The following SLC41A2 variants were observed in gnomAD, a reference collection of about 807,000 sequenced individuals.
SLC41A2 encodes the protein solute carrier family 41 member 2, also known as SLC41A1-like 1.
In SLC41A2, 32 loss-of-function variants were observed where a neutral mutation model predicts 58.3. That is an observed-to-expected ratio of 0.55 (90% CI 0.41 to 0.74). The LOEUF (loss-of-function observed/expected upper bound fraction) is 0.74. SLC41A2 is among the 30% of genes least tolerant of loss of function. The pLI is 0.00. For synonymous variants in SLC41A2, 190 were observed against 235.0 expected (o/e 0.81, Z 1.75); for missense variants, 514 against 680.6 (o/e 0.76, Z 2.72).
chr12:104,908,885 T>A (rs931673314), intron 3 of SLC41A2, among the ~76,000 whole-genome samples: 2 of 152,108 alleles, frequency 1.3e-5, no homozygotes, highest in African/African-American at 4.8e-5. Flanking sequence ...CCTAAAAAAA[T>A]AAGAATGGAA....
At position 104,863,837 on chromosome 12, in the gene SLC41A2, G is replaced by A. The variant is rs368670019; in HGVS notation, c.1176-2467C>T. On this transcript the variant is annotated intron_variant, in intron 7 of 10. Coordinates refer to ENST00000258538, the MANE Select transcript of SLC41A2 (RefSeq NM_001352171.3). ...TGTATTATTAGATATCCTCACGTAC[G>A]CTTTTTGCTTTGCCTCATATTTTTC... Among the ~76,000 whole-genome samples the A allele has an allele frequency of 2.6e-5, 4 of 152,110 alleles. No individual in the cohort carries two copies. In the South Asian group the frequency reaches 8.3e-4, roughly 32 times the overall value.
At chr12:104,852,965 G>C (rs1407715083) in intron 8 of SLC41A2, among the ~76,000 whole-genome samples, 2 of 151,980 alleles carry the variant, frequency 1.3e-5, no homozygotes, top group African/African-American at 4.8e-5. Flanking sequence ...AAAGCCAGTG[G>C]AGAGCATCTA....
At chr12:104,847,156 CATAA>C (rs1283740088) in intron 8 of SLC41A2, among the ~76,000 whole-genome samples, 3 of 150,196 alleles carry the variant, frequency 2.0e-5, no homozygotes, top group East Asian at 3.9e-4. Context: ...AAGACAGAGA[CATAA>C]ATTAAAAGTA....
chr12:104,938,253 A>G (rs373149224), intron 1 of SLC41A2, among the ~76,000 whole-genome samples: 30 of 152,316 alleles, frequency 2.0e-4, no homozygotes, highest in African/African-American at 6.3e-4. Flanking sequence ...GAGGTTCCAA[A>G]GGTATTGGTT....
chr12:104,938,353 T>C (rs2047364337), intron 1 of SLC41A2, among the ~76,000 whole-genome samples: 1 of 152,222 alleles, frequency 6.6e-6, no homozygotes. Context: ...TGATTAATAC[T>C]GTGATGGATG....
chr12:104,886,066 AT>A (rs1160227265), intron 6 of SLC41A2, among the ~76,000 whole-genome samples: 1 of 151,180 alleles, frequency 6.6e-6, no homozygotes. Flanking sequence ...CTCATCTAAA[AT>A]TAGAGATGAT....
At chr12:104,882,698 T>C (rs1195802409) in intron 6 of SLC41A2, among the ~76,000 whole-genome samples, 11 of 152,258 alleles carry the variant, frequency 7.2e-5, no homozygotes, top group African/African-American at 2.4e-4. Context: ...ACTGTTAGTC[T>C]GATGGGCTTC....
chr12:104,848,919 CACA>C (rs2042704080), intron 8 of SLC41A2, among the ~76,000 whole-genome samples: 1 of 151,974 alleles, frequency 6.6e-6, no homozygotes, highest in Non-Finnish European at 1.5e-5. Flanking sequence ...CACACACACA[CACA>C]CCAAATCTGA....
intron 4 of SLC41A2, among the ~76,000 whole-genome samples, chr12:104,894,147 A>G (rs2045162262): frequency 6.6e-6 from 1 of 152,082 alleles, no homozygotes; most frequent in South Asian, 2.1e-4. Flanking sequence ...TAAAAATTGA[A>G]AGAAAAGACC....
chr12:104,945,033 T>G (rs1304015231), intron 1 of SLC41A2, among the ~76,000 whole-genome samples: 1 of 151,484 alleles, frequency 6.6e-6, no homozygotes, highest in Non-Finnish European at 1.5e-5. Flanking sequence ...TAGGCAGGCG[T>G]GGTGGTGCAC....
intron 7 of SLC41A2, 47 bp from the exon 8 acceptor site, chr12:104,861,417 T>G: frequency 3.0e-6 from 4 of 1,341,586 alleles, no homozygotes; most frequent in Non-Finnish European, 4.2e-6. Context: ...GAAGAGAACA[T>G]ACTTGAAGTT....
chr12:104,939,018 A>G (rs2047395029), intron 1 of SLC41A2, among the ~76,000 whole-genome samples: 1 of 152,242 alleles, frequency 6.6e-6, no homozygotes, highest in African/African-American at 2.4e-5. Context: ...CCAAAAATGT[A>G]GAAAGGACAA....
chr12:104,876,504 C>T (rs2044051354), intron 6 of SLC41A2, among the ~76,000 whole-genome samples: 1 of 151,818 alleles, frequency 6.6e-6, no homozygotes, highest in African/African-American at 2.4e-5. Flanking sequence ...TTTTGGATTT[C>T]TTCTTTGACC....
At chr12:104,819,386 C>T (rs2453165) in intron 10 of SLC41A2, among the ~76,000 whole-genome samples, 148,562 of 152,332 alleles carry the variant, frequency 0.98, 72,461 homozygotes, top group East Asian at 1. Context: ...TAAATGGTTA[C>T]GTTAGAAAAG....
At chr12:104,882,553 T>G (rs1355619246) in intron 6 of SLC41A2, among the ~76,000 whole-genome samples, 17 of 152,014 alleles carry the variant, frequency 1.1e-4, no homozygotes, top group Admixed American at 4.6e-4. Context: ...GTCTGTAAAG[T>G]ATTTTATTTC....
chr12:104,919,690 T>G (rs2046501189), intron 2 of SLC41A2, among the ~76,000 whole-genome samples: 1 of 152,222 alleles, frequency 6.6e-6, no homozygotes, highest in Non-Finnish European at 1.5e-5. Flanking sequence ...CTAATTTTTT[T>G]TTAACTGTTG....
chr12:104,831,470 T>C (rs1317983225), intron 10 of SLC41A2, among the ~76,000 whole-genome samples: 1 of 152,186 alleles, frequency 6.6e-6, no homozygotes, highest in Non-Finnish European at 1.5e-5. Context: ...ATGGACCACA[T>C]AGATGATGGT....
chr12:104,934,135 T>A (rs2047173959), intron 1 of SLC41A2, among the ~76,000 whole-genome samples: 1 of 152,126 alleles, frequency 6.6e-6, no homozygotes, highest in Admixed American at 6.5e-5. Context: ...CCACAAAATT[T>A]AAATCATTTG....
At chr12:104,929,301 T>C (rs2046969069) in intron 1 of SLC41A2, among the ~76,000 whole-genome samples, 1 of 152,196 alleles carries the variant, frequency 6.6e-6, no homozygotes. Flanking sequence ...TTCTGAGATA[T>C]AAAAGCTCAT....
Sources: gnomAD v4.1 joint callset for allele counts (sites outside exome capture counted in the v4.1 genomes callset) on GRCh38, gnomAD v4.1.1 for gene constraint, MANE v1.5 for transcripts, NCBI Gene and HGNC (gene_info 2026-07-23, HGNC 2026-07-21) for gene names.